The following SLC14A2 variants were observed in gnomAD, a reference collection of about 807,000 sequenced individuals.
SLC14A2 encodes solute carrier family 14 member 2, also known as urea transporter 2.
In SLC14A2, 91 loss-of-function variants were observed where a neutral mutation model predicts 104.6. The observed-to-expected ratio is 0.87, with a 90% CI of 0.73 to 1.04. The LOEUF (loss-of-function observed/expected upper bound fraction) is 1.04. Ranked by LOEUF, SLC14A2 falls within the 50% of genes least tolerant of loss-of-function variation. The pLI is 0.00. For missense variants in SLC14A2, 1,189 were observed against 1,156.0 expected, an observed-to-expected ratio of 1.03 and a Z score of -0.41; for synonymous variants, 476 against 466.4, an observed-to-expected ratio of 1.02 and a Z score of -0.27.
At chr18:45,563,310 G>A (rs1305978461) in intron 2 of SLC14A2, among the ~76,000 whole-genome samples, 1 of 152,224 alleles carries the variant, frequency 6.6e-6, no homozygotes, top group Non-Finnish European at 1.5e-5. Context: ...AGAGTGCTGT[G>A]ACCGGGAGCT....
At position 45,513,879 on chromosome 18, in the gene SLC14A2, C is replaced by T. The variant is rs117074076; in HGVS notation, c.-35+30557C>T. 1.7e-3 allele frequency among the ~76,000 whole-genome samples: 260 copies of T among 152,280 alleles called. 2 individuals are homozygous for T. The highest frequency in any genetic ancestry group is 6.9e-3 in the East Asian group (36 of 5,186). The stretch of plus-strand genomic sequence containing the variant: ...GGACCCAGTTTCCACAGGGACCCCA[C>T]AGACTAAGGAAACATCTCCACCTCC... On this transcript the variant is annotated intron_variant, in intron 2 of 20. Coordinates refer to the SLC14A2 transcript ENST00000586448.
chr18:45,306,041 T>C (rs1374693245), intron 1 of SLC14A2, among the ~76,000 whole-genome samples: 1 of 152,190 alleles, frequency 6.6e-6, no homozygotes, highest in Non-Finnish European at 1.5e-5. Flanking sequence ...AGGGAGGGAC[T>C]GAGGCACAGG....
intron 18 of SLC14A2, 68 bp downstream of exon 18, chr18:45,673,885 GTTT>G: frequency 6.7e-7 from 1 of 1,490,196 alleles, no homozygotes; most frequent in African/African-American, 1.4e-5. Flanking sequence ...GTTTTTTTAT[GTTT>G]TTTAATGGTT....
intron 2 of SLC14A2, among the ~76,000 whole-genome samples, chr18:45,512,816 G>C (rs1435296052): frequency 6.6e-6 from 1 of 152,188 alleles, no homozygotes; most frequent in East Asian, 1.9e-4. Flanking sequence ...ATTGGGGGGA[G>C]CTGGAAGGGT....
chr18:45,215,121 A>G (rs2083998549), intron 1 of SLC14A2, among the ~76,000 whole-genome samples: 1 of 152,274 alleles, frequency 6.6e-6, no homozygotes, highest in East Asian at 1.9e-4. Context: ...TTTATGGGTT[A>G]CTGAATACAG....
At chr18:45,649,951 C>T (rs997116272) in intron 10 of SLC14A2, among the ~76,000 whole-genome samples, 3 of 152,328 alleles carry the variant, frequency 2.0e-5, no homozygotes, top group Non-Finnish European at 2.9e-5. Context: ...ATCAATCCTG[C>T]CTCTTAATCT....
chr18:45,662,369 T>C (rs1345970232), intron 10 of SLC14A2, among the ~76,000 whole-genome samples: 3 of 152,256 alleles, frequency 2.0e-5, no homozygotes, highest in African/African-American at 2.4e-5. Context: ...CCTCTTGTTG[T>C]TGGCCCTGCT....
intron 1 of SLC14A2, among the ~76,000 whole-genome samples, chr18:45,277,793 T>A (rs1357623619): frequency 2.0e-5 from 3 of 152,218 alleles, no homozygotes; most frequent in African/African-American, 7.2e-5. Flanking sequence ...CAGGATATGA[T>A]ATACAAGAAG....
chr18:45,488,809 G>C (rs2087662605), intron 2 of SLC14A2, among the ~76,000 whole-genome samples: 1 of 152,196 alleles, frequency 6.6e-6, no homozygotes, highest in Non-Finnish European at 1.5e-5. Context: ...ACTCAGCAAG[G>C]AAGGTACAAA....
intron 1 of SLC14A2, among the ~76,000 whole-genome samples, chr18:45,263,893 C>T (rs759689735): frequency 4.6e-5 from 7 of 152,280 alleles, no homozygotes; most frequent in South Asian, 2.1e-4. Flanking sequence ...CACCAATGAA[C>T]GAGGTCTCCT....
At chr18:45,372,316 CAATAATAAT>C (rs59063935) in intron 1 of SLC14A2, among the ~76,000 whole-genome samples, 2 of 148,508 alleles carry the variant, frequency 1.3e-5, no homozygotes, top group Admixed American at 6.7e-5. Flanking sequence ...GTCTCAAAAA[CAATAATAAT>C]AATAATAATA....
intron 1 of SLC14A2, among the ~76,000 whole-genome samples, chr18:45,226,566 A>G (rs1294645728): frequency 1.3e-5 from 2 of 151,650 alleles, no homozygotes; most frequent in African/African-American, 4.8e-5. Context: ...AACTATCACA[A>G]GGACAGAAAA....
chr18:45,172,874 G>GT, the SLC14A2 span, among the ~76,000 whole-genome samples: 1 of 152,072 alleles, frequency 6.6e-6, no homozygotes, highest in Admixed American at 6.6e-5. Context: ...CACTTTTACT[G>GT]TTAAATAAAC....
At chr18:45,371,791 C>T (rs1344320063) in intron 1 of SLC14A2, among the ~76,000 whole-genome samples, 1 of 152,186 alleles carries the variant, frequency 6.6e-6, no homozygotes, top group Non-Finnish European at 1.5e-5. Flanking sequence ...TGATTATTTT[C>T]TTTACTCAGT....
At chr18:45,529,681 G>A (rs1332649756) in intron 2 of SLC14A2, 2 of 152,154 alleles carry the variant, frequency 1.3e-5, no homozygotes, top group African/African-American at 4.8e-5. Flanking sequence ...CGGTCAGCAA[G>A]AGAAAAGGAG....
At chr18:45,548,565 G>A (rs750407708) in intron 2 of SLC14A2, among the ~76,000 whole-genome samples, 15 of 152,254 alleles carry the variant, frequency 9.9e-5, no homozygotes, top group South Asian at 4.2e-4. Context: ...TTAGCCATGC[G>A]TGGTGACATG....
chr18:45,407,835 T>A (rs997513661), intron 1 of SLC14A2, among the ~76,000 whole-genome samples: 6 of 152,126 alleles, frequency 3.9e-5, no homozygotes, highest in African/African-American at 1.2e-4. Context: ...ACAATCCTAT[T>A]TGGGTGCTGT....
chr18:45,604,604 A>T (rs1287960359), intron 2 of SLC14A2, among the ~76,000 whole-genome samples: 1 of 152,204 alleles, frequency 6.6e-6, no homozygotes, highest in South Asian at 2.1e-4. Context: ...AGAACCAAGC[A>T]TGTGCCTACT....
Position 45,628,694 on chromosome 18 carries a change from G to T in SLC14A2, c.521+1547G>T, listed in dbSNP as rs79986608. Among the ~76,000 whole-genome samples, 798 of 152,232 alleles carry T rather than the reference G, an allele frequency of 5.2e-3. 11 individuals carry two copies. Among genetic ancestry groups the T allele is most frequent in the African/African-American group, 0.018 (738 of 41,544 alleles). ...TCAGCAGCATTTTTTAAAGTTAATAGCGTAAAATAAAACTGATGAGAGTTA... is the reference window on the plus strand; with the variant it reads ...TCAGCAGCATTTTTTAAAGTTAATATCGTAAAATAAAACTGATGAGAGTTA... On this transcript the variant is annotated intron_variant, in intron 4 of 19. Coordinates refer to ENST00000255226, the MANE Select transcript of SLC14A2 (RefSeq NM_007163.4).
Sources: gnomAD v4.1 joint callset for allele counts (sites outside exome capture counted in the v4.1 genomes callset) on GRCh38, gnomAD v4.1.1 for gene constraint, MANE v1.5 for transcripts, NCBI Gene and HGNC (gene_info 2026-07-23, HGNC 2026-07-21) for gene names.